The following STXBP5 variants were observed in gnomAD, a reference collection of about 807,000 sequenced individuals.
STXBP5 encodes the protein syntaxin-binding protein 5.
In STXBP5, 50 loss-of-function variants were observed where a neutral mutation model predicts 152.4. The ratio of observed to expected loss-of-function variants is 0.33; its 90% CI spans 0.26 to 0.42. STXBP5 has a LOEUF of 0.42. Among genes scored for constraint, STXBP5 ranks in the 10% least tolerant of loss-of-function variants. STXBP5 has a pLI of 1.00. For missense variants in STXBP5, 1,167 were observed against 1,388.6 expected (o/e 0.84, Z 2.54); for synonymous variants, 492 against 494.7 (o/e 0.99, Z 0.07).
rs1043600437 is a variant in STXBP5, at chr6:147,329,878, C to T, written c.2080+2602C>T. On this transcript the variant is annotated intron_variant, in intron 18 of 27. Coordinates refer to ENST00000321680, the MANE Select transcript of STXBP5 (RefSeq NM_001127715.4). ...TCCTGACCTCATGATCCGCCCGCCT[C>T]GGCCTCCCAAAGTGCTGGGATTACA... Among the ~76,000 whole-genome samples, 4 of 152,002 alleles carry T rather than the reference C, an allele frequency of 2.6e-5. No homozygotes were observed. The East Asian group carries it at 5.8e-4, about 22-fold the overall frequency.
rs77465006 is a variant in STXBP5 at position 147,232,938 on chromosome 6, T to C, written c.249-2312T>C. On this transcript the variant is annotated intron_variant, in intron 2 of 27. Coordinates refer to ENST00000321680, the MANE Select transcript of STXBP5 (RefSeq NM_001127715.4). The stretch of plus-strand genomic sequence containing the variant: ...TTTTTCATTCTCTTTGGAGAAAACA[T>C]TGATTGACGCCCATGGCAATTTGAA... 7.3e-3 allele frequency among the ~76,000 whole-genome samples: 1,101 copies of C among 151,756 alleles called. 14 individuals carry two copies. Among genetic ancestry groups the C allele is most frequent in the African/African-American group, 0.026 (1,056 of 41,404 alleles).
intron 2 of STXBP5, among the ~76,000 whole-genome samples, chr6:147,229,895 G>A (rs1483145081): frequency 6.6e-6 from 1 of 151,708 alleles, no homozygotes; most frequent in African/African-American, 2.4e-5. Context: ...TCCATGTTGA[G>A]TAGATGAGTG....
chr6:147,259,388 A>T (rs1179095735), intron 4 of STXBP5, among the ~76,000 whole-genome samples: 1 of 152,176 alleles, frequency 6.6e-6, no homozygotes, highest in Non-Finnish European at 1.5e-5. Context: ...TATACAGTAG[A>T]CATGTCTATA....
chr6:147,206,123 C>T, intron 2 of STXBP5, 55 bp downstream of exon 2: 1 of 1,468,728 alleles, frequency 6.8e-7, no homozygotes, highest in Non-Finnish European at 9.5e-7. Flanking sequence ...CCCAGTCCTT[C>T]TGTGTTGCTG....
At chr6:147,341,172 G>A (rs777567108) in intron 21 of STXBP5, among the ~76,000 whole-genome samples, 1 of 151,864 alleles carries the variant, frequency 6.6e-6, no homozygotes, top group Non-Finnish European at 1.5e-5. Context: ...ATTTTAGACT[G>A]TAAAGTTTTT....
intron 8 of STXBP5, among the ~76,000 whole-genome samples, chr6:147,286,188 CCTTT>C (rs1230546793): frequency 6.6e-6 from 1 of 152,152 alleles, no homozygotes; most frequent in Non-Finnish European, 1.5e-5. Context: ...ACAATCCTTT[CCTTT>C]CTTCTGGCAG....
chr6:147,265,851 T>G (rs749319359), intron 6 of STXBP5, among the ~76,000 whole-genome samples: 1 of 152,008 alleles, frequency 6.6e-6, no homozygotes, highest in Non-Finnish European at 1.5e-5. Flanking sequence ...TTTTACAGAC[T>G]GCACGATAAT....
intron 9 of STXBP5, among the ~76,000 whole-genome samples, chr6:147,295,608 A>C (rs1468920495): frequency 6.6e-6 from 1 of 151,968 alleles, no homozygotes; most frequent in East Asian, 1.9e-4. Flanking sequence ...AAACACCCTG[A>C]CTCTGCTGCC....
intron 26 of STXBP5, among the ~76,000 whole-genome samples, chr6:147,382,323 T>G (rs1786126461): frequency 6.6e-6 from 1 of 152,196 alleles, no homozygotes; most frequent in African/African-American, 2.4e-5. Context: ...TTATCTTTAC[T>G]TCTGAGCCTA....
chr6:147,221,646 C>T (rs1777466953), intron 2 of STXBP5, among the ~76,000 whole-genome samples: 1 of 150,768 alleles, frequency 6.6e-6, no homozygotes, highest in African/African-American at 2.4e-5. Context: ...CTTTGCACCT[C>T]TGTTGGTAAG....
At chr6:147,341,903 A>G (rs895925644) in intron 21 of STXBP5, among the ~76,000 whole-genome samples, 20 of 152,184 alleles carry the variant, frequency 1.3e-4, no homozygotes, top group Admixed American at 7.9e-4. Context: ...AATCCACACA[A>G]TAATCCCAGC....
chr6:147,224,422 G>T (rs1777609653), intron 2 of STXBP5, among the ~76,000 whole-genome samples: 1 of 152,150 alleles, frequency 6.6e-6, no homozygotes, highest in African/African-American at 2.4e-5. Context: ...CTGAGACTGT[G>T]TCTCCAGATA....
In STXBP5 at chr6:147,315,579, T is replaced by C; in HGVS notation, c.1467T>C (p.Asp489=). The C allele has an allele frequency of 1.9e-6, 3 of 1,613,870 alleles. No homozygotes were observed. Among genetic ancestry groups the C allele is most frequent in the Non-Finnish European group, 2.5e-6 (3 of 1,179,868 alleles). ...SKVFEKSRNK[D]DRPNTDIVDE... ...TATTTGAAAAGTCAAGAAATAAAGA[T>C]GACAGGCCAAACACAGACATTGTAG... Residue 489 remains aspartate, a synonymous_variant, in exon 15 of 28, where the codon GAT becomes GAC. Coordinates refer to ENST00000321680, the MANE Select transcript of STXBP5 (RefSeq NM_001127715.4).
chr6:147,258,148 G>A (rs1293060909), intron 4 of STXBP5, among the ~76,000 whole-genome samples: 1 of 152,142 alleles, frequency 6.6e-6, no homozygotes, highest in Non-Finnish European at 1.5e-5. Context: ...ATTCATTGGC[G>A]CATGCAAGCC....
rs552114552 is a variant in STXBP5, at chr6:147,267,288, A to AT, written c.714+127dup. The stretch of plus-strand genomic sequence containing the variant: ...TTGTAATTGCAGTAATACACAATTT[A>AT]TTTTTTACAATAGATAATATGTTCA... On this transcript the variant is annotated intron_variant, in intron 7 of 27. Coordinates refer to ENST00000321680, the MANE Select transcript of STXBP5 (RefSeq NM_001127715.4). 1.3e-3 allele frequency: 865 copies of AT among 689,832 alleles called. 6 individuals are homozygous for AT. The African/African-American group carries it at 0.015, about 12-fold the overall frequency. 42.7% of individuals were successfully genotyped at this position (689,832 alleles called of 1,614,324 possible). A position where few individuals can be genotyped will look rare whatever the true frequency, so the allele number is the denominator to read the frequency against.
intron 23 of STXBP5, among the ~76,000 whole-genome samples, chr6:147,362,176 C>T (rs1007708551): frequency 6.6e-6 from 1 of 151,956 alleles, no homozygotes; most frequent in African/African-American, 2.4e-5. Flanking sequence ...TGCAACCTTA[C>T]TATTGATAAA....
chr6:147,221,232 C>T (rs1481128008), intron 2 of STXBP5, among the ~76,000 whole-genome samples: 3 of 152,094 alleles, frequency 2.0e-5, no homozygotes, highest in African/African-American at 4.8e-5. Context: ...ATTCATTTCA[C>T]CTATATATAA....
rs1782507928 is a variant in STXBP5, at chr6:147,313,926, G to A, written c.1188G>A (p.Glu396=). 1.3e-6 allele frequency: 2 copies of A among 1,598,704 alleles called. No individual in the cohort carries two copies. Among genetic ancestry groups the A allele is most frequent in the Non-Finnish European group, 1.7e-6 (2 of 1,169,526 alleles). ...FENPYPLSIH[E]SPVTCCEYFA... is the part of the protein sequence containing the mutation. ...ATCCCTACCCTTTGAGTATACATGA[G>A]TCCCCTGTTACATGTTGCGAATATT... The change falls in exon 12 of 28, where the codon GAG becomes GAA. Residue 396 remains glutamate (E), a synonymous_variant. Transcript: ENST00000321680.
At chr6:147,281,444 T>C (rs1780695977) in intron 8 of STXBP5, among the ~76,000 whole-genome samples, 1 of 152,236 alleles carries the variant, frequency 6.6e-6, no homozygotes, top group Non-Finnish European at 1.5e-5. Flanking sequence ...GAGATCACAT[T>C]TGTGGTACAT....
Sources: gnomAD v4.1 joint callset for allele counts (sites outside exome capture counted in the v4.1 genomes callset) on GRCh38, gnomAD v4.1.1 for gene constraint, MANE v1.5 for transcripts, NCBI Gene and HGNC (gene_info 2026-07-23, HGNC 2026-07-21) for gene names.